Variants in PRKD1 observed in about 807,000 individuals in gnomAD.
The protein encoded by PRKD1 is serine/threonine-protein kinase D1.
PRKD1 carries 63 observed loss-of-function variants against 95.9 expected under a neutral mutation model. That is an observed-to-expected ratio of 0.66 (90% CI 0.54 to 0.81). The LOEUF (loss-of-function observed/expected upper bound fraction) is 0.81. Among genes scored for constraint, PRKD1 ranks in the 30% least tolerant of loss-of-function variants. The probability of loss-of-function intolerance (pLI) is 0.00; values close to 1 mark genes in which losing one functional copy is unlikely to be tolerated. For synonymous variants in PRKD1, 425 were observed against 423.1 expected (o/e 1.00, Z -0.05); for missense variants, 1,048 against 1,165.3 (o/e 0.90, Z 1.47).
intron 1 of PRKD1, among the ~76,000 whole-genome samples, chr14:29,833,965 A>C (rs751425891): frequency 5.3e-5 from 8 of 152,098 alleles, no homozygotes; most frequent in Non-Finnish European, 1.2e-4. Context: ...ATACAGAGAA[A>C]AGGAACACAG....
chr14:29,623,020 G>T (rs1015920556), intron 13 of PRKD1, among the ~76,000 whole-genome samples: 1 of 152,186 alleles, frequency 6.6e-6, no homozygotes, highest in African/African-American at 2.4e-5. Flanking sequence ...TCATTTACTA[G>T]AGTTTCAGAT....
intron 1 of PRKD1, among the ~76,000 whole-genome samples, chr14:29,861,195 T>A (rs2139359124): frequency 6.6e-6 from 1 of 152,144 alleles, no homozygotes; most frequent in African/African-American, 2.4e-5. Context: ...AAATGACAGC[T>A]TTGAAGAAAA....
intron 13 of PRKD1, among the ~76,000 whole-genome samples, chr14:29,606,544 T>G (rs1023471587): frequency 6.6e-6 from 1 of 152,168 alleles, no homozygotes; most frequent in Non-Finnish European, 1.5e-5. Context: ...AGACTTGTAT[T>G]TATTTAATAT....
At chr14:29,891,156 A>T (rs1436869040) in intron 1 of PRKD1, among the ~76,000 whole-genome samples, 1 of 152,242 alleles carries the variant, frequency 6.6e-6, no homozygotes, top group African/African-American at 2.4e-5. Context: ...GCTATGTAAT[A>T]GGTGACAAAT....
intron 1 of PRKD1, among the ~76,000 whole-genome samples, chr14:29,861,921 G>A (rs918287769): frequency 6.6e-6 from 1 of 152,058 alleles, no homozygotes; most frequent in Non-Finnish European, 1.5e-5. Context: ...CAAAGTGCTG[G>A]GATTATAGTC....
At chr14:29,683,317 A>G (rs773028127) in intron 2 of PRKD1, among the ~76,000 whole-genome samples, 2 of 152,228 alleles carry the variant, frequency 1.3e-5, no homozygotes, top group Non-Finnish European at 2.9e-5. Flanking sequence ...ACAACTGACC[A>G]GGAACCAACT....
chr14:29,600,503 G>A (rs1349789944), intron 13 of PRKD1, among the ~76,000 whole-genome samples: 1 of 152,110 alleles, frequency 6.6e-6, no homozygotes, highest in Non-Finnish European at 1.5e-5. Flanking sequence ...AAGTACAGTT[G>A]GCCCTTGGTA....
intron 9 of PRKD1, among the ~76,000 whole-genome samples, chr14:29,631,288 T>C (rs1374237309): frequency 6.6e-6 from 1 of 152,180 alleles, no homozygotes; most frequent in Non-Finnish European, 1.5e-5. Flanking sequence ...AAAAATGATT[T>C]TGAATCTTCA....
intron 2 of PRKD1, among the ~76,000 whole-genome samples, chr14:29,702,971 CTATTTT>C (rs1884912796): frequency 6.6e-6 from 1 of 152,060 alleles, no homozygotes; most frequent in Non-Finnish European, 1.5e-5. Context: ...TTTGTCCTTT[CTATTTT>C]TATTTTATTT....
chr14:29,724,064 G>A (rs1027935193), intron 2 of PRKD1, among the ~76,000 whole-genome samples: 7 of 152,168 alleles, frequency 4.6e-5, no homozygotes, highest in African/African-American at 1.7e-4. Flanking sequence ...GTCAACACGA[G>A]GGAAGAGCAG....
At chr14:29,896,269 A>G (rs1280692812) in intron 1 of PRKD1, among the ~76,000 whole-genome samples, 1 of 152,182 alleles carries the variant, frequency 6.6e-6, no homozygotes, top group Non-Finnish European at 1.5e-5. Flanking sequence ...ACCAGAGCTT[A>G]AATCCAGATT....
At chr14:29,845,497 T>C (rs760810757) in intron 1 of PRKD1, among the ~76,000 whole-genome samples, 1 of 152,148 alleles carries the variant, frequency 6.6e-6, no homozygotes, top group Non-Finnish European at 1.5e-5. Context: ...AATACTTACA[T>C]AAACTCTAAG....
chr14:29,656,854 G>C (rs897275621), intron 4 of PRKD1, among the ~76,000 whole-genome samples: 2 of 152,042 alleles, frequency 1.3e-5, no homozygotes, highest in Non-Finnish European at 1.5e-5. Flanking sequence ...AAAATGAAGC[G>C]TTTTTGACCT....
At position 29,695,623 on chromosome 14, in the gene PRKD1, G is replaced by A. The variant is rs1468608970; in HGVS notation, c.404-29415C>T. 4.6e-5 allele frequency among the ~76,000 whole-genome samples: 7 copies of A among 152,226 alleles called. No individual in the cohort carries two copies. The East Asian group carries it at 1.3e-3, about 29-fold the overall frequency. On this transcript the variant is annotated intron_variant, in intron 2 of 17. Transcript: ENST00000331968. ...GAGCTGCAGGTCTGGAAGAAACTATGAGCAGTTTGGTTTTGGGTATTTTGC... is the reference window on the plus strand; with the variant it reads ...GAGCTGCAGGTCTGGAAGAAACTATAAGCAGTTTGGTTTTGGGTATTTTGC...
At chr14:29,676,565 G>C (rs1437365776) in intron 2 of PRKD1, among the ~76,000 whole-genome samples, 3 of 152,202 alleles carry the variant, frequency 2.0e-5, no homozygotes, top group African/African-American at 7.2e-5. Flanking sequence ...ATGTTGACCA[G>C]GATGGTCTCC....
intron 13 of PRKD1, among the ~76,000 whole-genome samples, chr14:29,614,547 T>C (rs984627553): frequency 6.6e-6 from 1 of 152,192 alleles, no homozygotes; most frequent in Non-Finnish European, 1.5e-5. Flanking sequence ...ATTTTTGTTA[T>C]ACAAGCATAA....
chr14:29,626,541 A>G lies in PRKD1; in HGVS notation c.1741T>C (p.Tyr581His), dbSNP rs1316534187. The G allele has an allele frequency of 1.2e-6, 2 of 1,611,970 alleles. No individual in the cohort carries two copies. The highest frequency in any genetic ancestry group is 2.7e-5 in the African/African-American group (2 of 74,826). The change falls in exon 12 of 18, where the codon TAT becomes CAT. Residue 581 changes from tyrosine to histidine, a missense_variant. Physicochemically the swap from Tyr to His is moderately conservative, Grantham distance 83. This residue lies in a region of PRKD1 where 739 missense variants were observed against 861.9 expected (regional missense o/e 0.86). Transcript: ENST00000331968. ...IQENVDISTV[Y>H]QIFPDEVLGS... ...AGTACTTCATCAGGAAAAATCTGAT[A>G]TACTGTGCTGATGTCCTAGAGGTAC...
chr14:29,905,006 G>A (rs896566031), intron 1 of PRKD1, among the ~76,000 whole-genome samples: 1 of 152,130 alleles, frequency 6.6e-6, no homozygotes, highest in Non-Finnish European at 1.5e-5. Context: ...TCTGCCAAAC[G>A]AATGACACTT....
intron 1 of PRKD1, among the ~76,000 whole-genome samples, chr14:29,803,554 T>A (rs1417171611): frequency 6.6e-6 from 1 of 151,998 alleles, no homozygotes; most frequent in Non-Finnish European, 1.5e-5. Flanking sequence ...GAGGTAAAAA[T>A]AATCCAAGCT....
Sources: allele counts gnomAD v4.1 joint callset (sites outside exome capture counted in the v4.1 genomes callset), GRCh38; gene constraint gnomAD v4.1.1; regional missense constraint gnomAD v4.1.1; transcripts MANE v1.5; gene names NCBI Gene and HGNC (gene_info 2026-07-23, HGNC 2026-07-21).